The following EPB41L5 variants were observed in gnomAD, a reference collection of about 807,000 sequenced individuals.
EPB41L5 encodes erythrocyte membrane protein band 4.1 like 5.
EPB41L5 carries 55 observed loss-of-function variants against 106.6 expected under a neutral mutation model. The ratio of observed to expected loss-of-function variants is 0.52; its 90% CI spans 0.42 to 0.65. EPB41L5 has a LOEUF of 0.65. Among genes scored for constraint, EPB41L5 ranks in the 30% least tolerant of loss-of-function variants. EPB41L5 has a pLI of 0.00. For missense variants in EPB41L5, 871 were observed against 882.1 expected (o/e 0.99, Z 0.16); for synonymous variants, 297 against 306.7 (o/e 0.97, Z 0.33).
chr2:120,044,744 G>A (rs970031782), intron 3 of EPB41L5, among the ~76,000 whole-genome samples: 1 of 151,746 alleles, frequency 6.6e-6, no homozygotes, highest in African/African-American at 2.4e-5. Context: ...TAAATTTTTG[G>A]TAAAGCCAGG....
At chr2:120,046,671 T>A (rs1395439559) in intron 3 of EPB41L5, among the ~76,000 whole-genome samples, 1 of 152,100 alleles carries the variant, frequency 6.6e-6, no homozygotes, top group Non-Finnish European at 1.5e-5. Context: ...TAATTAGATC[T>A]CATTTGCCAA....
intron 3 of EPB41L5, among the ~76,000 whole-genome samples, chr2:120,048,259 G>A (rs934703555): frequency 2.6e-5 from 4 of 152,102 alleles, no homozygotes; most frequent in African/African-American, 9.7e-5. Context: ...TGTACCTCTG[G>A]TAGAATTCGG....
At chr2:120,150,431 C>T (rs11901127) in intron 20 of EPB41L5, among the ~76,000 whole-genome samples, 171 of 152,262 alleles carry the variant, frequency 1.1e-3, no homozygotes, top group African/African-American at 3.8e-3. Context: ...AAGTGATCCT[C>T]CTGCCTCAGC....
In EPB41L5 at chr2:120,042,091, T is replaced by C; in HGVS notation, c.266T>C (p.Met89Thr). Residue 89 changes from methionine (M) to threonine (T), a missense_variant, in exon 3 of 25, where the codon ATG becomes ACG. By Grantham distance (81) the Met-to-Thr change is moderately conservative. Transcript: ENST00000263713. ...IESDYFGLRF[M>T]DSAQVAHWLD... ...AGCGACTATTTTGGTCTGAGATTTATGGATTCAGCACAAGTAGCAGTGAGT... is the reference window on the plus strand; with the variant it reads ...AGCGACTATTTTGGTCTGAGATTTACGGATTCAGCACAAGTAGCAGTGAGT... 6.2e-7 allele frequency: 1 copy of C among 1,613,532 alleles called. No individual in the cohort carries two copies. Among genetic ancestry groups the C allele is most frequent in the Non-Finnish European group, 8.5e-7 (1 of 1,179,546 alleles).
chr2:120,041,735 C>A (rs368199662), intron 2 of EPB41L5, among the ~76,000 whole-genome samples: 4 of 152,118 alleles, frequency 2.6e-5, no homozygotes, highest in Non-Finnish European at 5.9e-5. Flanking sequence ...TACACACACA[C>A]AAATATTTGT....
At chr2:120,100,052 G>A (rs1025964473) in intron 14 of EPB41L5, among the ~76,000 whole-genome samples, 192 bp from the exon 15 acceptor site, 1 of 152,156 alleles carries the variant, frequency 6.6e-6, no homozygotes, top group Admixed American at 6.5e-5. Flanking sequence ...GCAAGTATTT[G>A]CCTATAAGAA....
intron 16 of EPB41L5, among the ~76,000 whole-genome samples, chr2:120,117,352 A>G (rs1174260963): frequency 6.6e-6 from 1 of 152,182 alleles, no homozygotes; most frequent in Non-Finnish European, 1.5e-5. Context: ...GTATTTCTTC[A>G]TGGTTCTCCT....
intron 2 of EPB41L5, among the ~76,000 whole-genome samples, chr2:120,038,381 G>A (rs1479847257): frequency 6.6e-6 from 1 of 152,208 alleles, no homozygotes; most frequent in African/African-American, 2.4e-5. Flanking sequence ...AGTAACAAAT[G>A]TTGGCAAGGA....
intron 20 of EPB41L5, among the ~76,000 whole-genome samples, chr2:120,149,386 C>T (rs993300383): frequency 6.6e-6 from 1 of 152,180 alleles, no homozygotes. Flanking sequence ...CCCATCTACC[C>T]TGCACTGCCT....
At chr2:120,073,138 C>T (rs766122720) in intron 3 of EPB41L5, 40 bp from the exon 4 acceptor site, 3 of 1,575,334 alleles carry the variant, frequency 1.9e-6, no homozygotes, top group Admixed American at 3.6e-5. Flanking sequence ...TTTTAAAGTT[C>T]TGTCATCTGC....
intron 5 of EPB41L5, among the ~76,000 whole-genome samples, chr2:120,075,074 C>T (rs557879185): frequency 5.9e-5 from 9 of 152,118 alleles, no homozygotes; most frequent in Non-Finnish European, 1.0e-4. Flanking sequence ...GTGATCCACC[C>T]GCCTCGCCCT....
At chr2:120,155,139 C>A (rs1000011910) in intron 20 of EPB41L5, among the ~76,000 whole-genome samples, 10 of 152,082 alleles carry the variant, frequency 6.6e-5, no homozygotes, top group Non-Finnish European at 1.0e-4. Context: ...GGGTAGTATT[C>A]TTTTCTTTCA....
intron 3 of EPB41L5, among the ~76,000 whole-genome samples, chr2:120,050,186 A>G (rs1351745065): frequency 3.3e-5 from 5 of 152,116 alleles, no homozygotes; most frequent in Admixed American, 6.5e-5. Flanking sequence ...CGTTCTCTCT[A>G]TTTCCTGAAT....
At chr2:120,105,736 C>T (rs1371105520) in intron 16 of EPB41L5, 8 of 985,236 alleles carry the variant, frequency 8.1e-6, no homozygotes, top group African/African-American at 3.5e-5. Context: ...TTAAAAATGG[C>T]CACTAATGTA....
At chr2:120,038,794 A>C (rs1291695718) in intron 2 of EPB41L5, among the ~76,000 whole-genome samples, 1 of 152,178 alleles carries the variant, frequency 6.6e-6, no homozygotes, top group Non-Finnish European at 1.5e-5. Context: ...ACACAGAATT[A>C]GCATATGACC....
chr2:120,022,305 G>C (rs747883846), intron 2 of EPB41L5, among the ~76,000 whole-genome samples: 14 of 151,978 alleles, frequency 9.2e-5, no homozygotes, highest in Admixed American at 1.3e-4. Flanking sequence ...TCTACATTAG[G>C]TATTTCTCCT....
chr2:120,148,874 T>C (rs1407230642), intron 20 of EPB41L5, among the ~76,000 whole-genome samples: 1 of 152,176 alleles, frequency 6.6e-6, no homozygotes, highest in African/African-American at 2.4e-5. Context: ...AGTATATACC[T>C]AGGAGTAACA....
intron 10 of EPB41L5, among the ~76,000 whole-genome samples, chr2:120,081,394 G>A (rs1204577277): frequency 6.6e-6 from 1 of 152,126 alleles, no homozygotes; most frequent in East Asian, 1.9e-4. Flanking sequence ...GTTTTTGTCA[G>A]GTTTGTCAAA....
chr2:120,033,531 A>C (rs1678848975), intron 2 of EPB41L5, among the ~76,000 whole-genome samples: 1 of 151,294 alleles, frequency 6.6e-6, no homozygotes, highest in Non-Finnish European at 1.5e-5. Flanking sequence ...AACGTGGTGA[A>C]ACCCCATCTC....
Sources: gnomAD v4.1 joint callset for allele counts (sites outside exome capture counted in the v4.1 genomes callset) on GRCh38, gnomAD v4.1.1 for gene constraint, MANE v1.5 for transcripts, NCBI Gene and HGNC (gene_info 2026-07-23, HGNC 2026-07-21) for gene names.